The following GRIK1 variants were observed in gnomAD, a reference collection of about 807,000 sequenced individuals.
The protein encoded by GRIK1 is glutamate ionotropic receptor kainate type subunit 1.
Under a neutral mutation model 105.7 loss-of-function variants are expected in GRIK1, and 69 were observed. The ratio of observed to expected loss-of-function variants is 0.65; its 90% confidence interval spans 0.54 to 0.80. GRIK1 has a LOEUF of 0.80. GRIK1 is among the 30% of genes least tolerant of loss of function. GRIK1 has a pLI of 0.00. For missense variants in GRIK1, 1,109 were observed against 1,167.3 expected, an observed-to-expected ratio of 0.95 and a Z score of 0.73; for synonymous variants, 438 against 431.3, an observed-to-expected ratio of 1.02 and a Z score of -0.19.
In GRIK1 at chr21:29,653,301, G is replaced by A. The variant is rs186197975; in HGVS notation, c.780+1509C>T. Reference sequence around the variant, plus strand: ...GATTCATAGTACATAGATTTAACATGCTAAAATGACATACATTAAACATGT... The same window carrying A: ...GATTCATAGTACATAGATTTAACATACTAAAATGACATACATTAAACATGT... On this transcript the variant is annotated intron_variant, in intron 5 of 17. Coordinates refer to ENST00000327783, the MANE Select transcript of GRIK1 (RefSeq NM_001330994.2). Among the ~76,000 whole-genome samples the A allele has an allele frequency of 4.3e-3, 660 of 152,294 alleles. 5 individuals are homozygous for A. Among genetic ancestry groups the A allele is most frequent in the African/African-American group, 0.015 (629 of 41,566 alleles).
At chr21:29,592,917 C>G (rs557500101) in intron 9 of GRIK1, among the ~76,000 whole-genome samples, 1 of 152,288 alleles carries the variant, frequency 6.6e-6, no homozygotes, top group African/African-American at 2.4e-5. Context: ...CAGGGTGGAG[C>G]TATGCTTGGT....
rs762577329 is a variant in GRIK1 at position 29,561,647 on chromosome 21, C to A, written c.2333G>T (p.Gly778Val). Residue 778 changes from glycine to valine, a missense_variant, in exon 15 of 18, where the codon GGT (glycine) becomes GTT (valine). By Grantham distance (109) the Gly-to-Val change is moderately radical. Around this residue, in one of 5 missense-constraint regions of GRIK1, gnomAD observed 264 missense variants for 306.9 expected, o/e 0.86. Coordinates refer to ENST00000327783, the MANE Select transcript of GRIK1 (RefSeq NM_001330994.2). ...TQIGGLIDSK[G>V]YGVGTPIGSP... ...ACCAATAGGTGTTCCCACTCCGTAA[C>A]CTTTGGAGTCAATGAGGCCCCCGAT... The A allele has an allele frequency of 6.2e-7, 1 of 1,611,864 alleles. No individual in the cohort carries two copies. Among genetic ancestry groups the A allele is most frequent in the African/African-American group, 1.3e-5 (1 of 74,876 alleles).
intron 1 of GRIK1, among the ~76,000 whole-genome samples, chr21:29,819,386 A>G (rs1337925990): frequency 6.6e-6 from 1 of 152,054 alleles, no homozygotes; most frequent in Non-Finnish European, 1.5e-5. Context: ...TATGATAGAC[A>G]CTTGTTTACT....
chr21:29,794,807 A>G (rs2066512565), intron 1 of GRIK1, among the ~76,000 whole-genome samples: 1 of 152,056 alleles, frequency 6.6e-6, no homozygotes, highest in African/African-American at 2.4e-5. Context: ...AATAATTCCA[A>G]CTGGGATTTT....
chr21:29,625,299 G>A (rs2062100283), intron 7 of GRIK1, among the ~76,000 whole-genome samples: 2 of 152,178 alleles, frequency 1.3e-5, no homozygotes, highest in South Asian at 4.1e-4. Context: ...AAGTGAATGT[G>A]AGAAGTAATT....
At chr21:29,813,592 C>A (rs957897493) in intron 1 of GRIK1, among the ~76,000 whole-genome samples, 5 of 152,082 alleles carry the variant, frequency 3.3e-5, no homozygotes, top group Non-Finnish European at 5.9e-5. Context: ...TTAAGATAAA[C>A]ATGAGTGTGT....
At chr21:29,617,227 T>C (rs529430991) in intron 7 of GRIK1, among the ~76,000 whole-genome samples, 1 of 152,012 alleles carries the variant, frequency 6.6e-6, no homozygotes, top group South Asian at 2.1e-4. Context: ...AATCGAAGAG[T>C]TGCTGCCTTT....
chr21:29,897,024 C>T (rs958208002), intron 1 of GRIK1, among the ~76,000 whole-genome samples: 1 of 152,166 alleles, frequency 6.6e-6, no homozygotes, highest in African/African-American at 2.4e-5. Context: ...ACTCAAATTT[C>T]CTTACAATGA....
intron 2 of GRIK1, among the ~76,000 whole-genome samples, chr21:29,690,987 C>T (rs1437893106): frequency 6.6e-6 from 1 of 151,940 alleles, no homozygotes; most frequent in Admixed American, 6.6e-5. Context: ...GTAGAATAGA[C>T]CATTTCATAG....
intron 1 of GRIK1, among the ~76,000 whole-genome samples, chr21:29,758,652 G>A (rs2065417505): frequency 6.6e-6 from 1 of 152,112 alleles, no homozygotes. Flanking sequence ...TTGTTGGAAG[G>A]GATTGCCACA....
At chr21:29,791,468 A>G (rs1349768164) in intron 1 of GRIK1, among the ~76,000 whole-genome samples, 1 of 152,014 alleles carries the variant, frequency 6.6e-6, no homozygotes, top group Non-Finnish European at 1.5e-5. Context: ...ATCCACATAC[A>G]TGAAGCAGGG....
chr21:29,576,577 G>A (rs1452829160), intron 14 of GRIK1, among the ~76,000 whole-genome samples: 1 of 152,004 alleles, frequency 6.6e-6, no homozygotes, highest in Non-Finnish European at 1.5e-5. Context: ...AAGTATTCTG[G>A]TTACCAGAAT....
intron 1 of GRIK1, among the ~76,000 whole-genome samples, chr21:29,919,951 A>G (rs1278507906): frequency 6.6e-6 from 1 of 152,144 alleles, no homozygotes; most frequent in Non-Finnish European, 1.5e-5. Context: ...ACATTCTTTG[A>G]TTCCCTGTGT....
At chr21:29,775,153 C>A (rs1439583620) in intron 1 of GRIK1, among the ~76,000 whole-genome samples, 2 of 151,690 alleles carry the variant, frequency 1.3e-5, no homozygotes, top group Non-Finnish European at 2.9e-5. Flanking sequence ...CCCGTCTCTA[C>A]TGAAAATACA....
At chr21:29,850,380 C>T (rs2068266515) in intron 1 of GRIK1, among the ~76,000 whole-genome samples, 1 of 152,098 alleles carries the variant, frequency 6.6e-6, no homozygotes, top group Non-Finnish European at 1.5e-5. Flanking sequence ...ATGTGTGGCT[C>T]TGGGTGTTAT....
At chr21:29,544,373 G>A (rs2090018686) in intron 16 of GRIK1, among the ~76,000 whole-genome samples, 1 of 152,186 alleles carries the variant, frequency 6.6e-6, no homozygotes, top group Non-Finnish European at 1.5e-5. Context: ...TTCCTGACAA[G>A]TAGGGGATGT....
At chr21:29,883,799 C>G (rs1274519689) in intron 1 of GRIK1, among the ~76,000 whole-genome samples, 1 of 151,880 alleles carries the variant, frequency 6.6e-6, no homozygotes, top group Non-Finnish European at 1.5e-5. Flanking sequence ...AAAATTAGAA[C>G]AGACACATTT....
intron 1 of GRIK1, among the ~76,000 whole-genome samples, chr21:29,808,481 C>T (rs1263592199): frequency 6.6e-6 from 1 of 152,126 alleles, no homozygotes; most frequent in Admixed American, 6.6e-5. Context: ...TATTCCATTG[C>T]CAATCTGATA....
intron 13 of GRIK1, among the ~76,000 whole-genome samples, chr21:29,581,120 G>A (rs1286325225): frequency 2.0e-5 from 3 of 152,116 alleles, no homozygotes; most frequent in Non-Finnish European, 4.4e-5. Flanking sequence ...AGAAGGAGAA[G>A]ACCAACATCT....
Sources: allele counts gnomAD v4.1 joint callset (sites outside exome capture counted in the v4.1 genomes callset), GRCh38; gene constraint gnomAD v4.1.1; regional missense constraint gnomAD v4.1.1; transcripts MANE v1.5; gene names NCBI Gene and HGNC (gene_info 2026-07-23, HGNC 2026-07-21).